CNR2: variants seen among roughly 807,000 people sequenced by gnomAD.
The protein encoded by CNR2 is cannabinoid receptor 2 (macrophage).
For missense variants in CNR2, 379 were observed against 439.9 expected (o/e 0.86, Z 1.24); for synonymous variants, 172 against 182.2 (o/e 0.94, Z 0.45).
rs531338707 is a variant in CNR2, at chr1:23,894,980, G to C, written c.-46+18266C>G. Among the ~76,000 whole-genome samples, 9 of 152,118 alleles carry C rather than the reference G, an allele frequency of 5.9e-5. No individual in the cohort carries two copies. The South Asian group carries it at 1.9e-3, about 32-fold the overall frequency. On this transcript the variant is annotated intron_variant, in intron 1 of 1. Transcript: ENST00000374472. ...CACACCTCTAATCCTAGCACTTTGGGAGGCTGAGGTGGGCGGATCACCTGA... is the reference window on the plus strand; with the variant it reads ...CACACCTCTAATCCTAGCACTTTGGCAGGCTGAGGTGGGCGGATCACCTGA...
intron 1 of CNR2, among the ~76,000 whole-genome samples, chr1:23,894,385 C>A (rs1640240107): frequency 6.6e-6 from 1 of 151,490 alleles, no homozygotes; most frequent in Non-Finnish European, 1.5e-5. Context: ...CATGCCATTG[C>A]ACTGCAGCCT....
intron 1 of CNR2, among the ~76,000 whole-genome samples, chr1:23,908,449 TC>T (rs1281201936): frequency 6.6e-6 from 1 of 152,158 alleles, no homozygotes; most frequent in Non-Finnish European, 1.5e-5. Context: ...CCTAGGAAGA[TC>T]TCACATTGAG....
chr1:23,881,590 A>C (rs904670726), intron 1 of CNR2, among the ~76,000 whole-genome samples: 27 of 148,164 alleles, frequency 1.8e-4, no homozygotes, highest in African/African-American at 6.4e-4. Context: ...TCTCAAAAAA[A>C]GAAAAAAAAA....
At chr1:23,898,373 G>T (rs1282840488) in intron 1 of CNR2, among the ~76,000 whole-genome samples, 4 of 86,852 alleles carry the variant, frequency 4.6e-5, no homozygotes, top group East Asian at 3.9e-4. Flanking sequence ...ATGGAGTCTT[G>T]TTCTGTTGCC....
intron 1 of CNR2, chr1:23,902,327 C>T: frequency 2.6e-6 from 4 of 1,557,784 alleles, no homozygotes; most frequent in Non-Finnish European, 3.5e-6. Flanking sequence ...AGCGCTGGGT[C>T]AGGTCGGGCT....
chr1:23,895,516 C>G (rs1280947194), intron 1 of CNR2, among the ~76,000 whole-genome samples: 1 of 152,096 alleles, frequency 6.6e-6, no homozygotes. Context: ...TTTTTTCTCT[C>G]TCTTTTTTTG....
intron 1 of CNR2, among the ~76,000 whole-genome samples, chr1:23,886,339 C>T (rs6424123): frequency 0.72 from 108,842 of 152,040 alleles, 39,675 homozygotes; most frequent in Middle Eastern, 0.79. Flanking sequence ...CAGGTAGATA[C>T]GGCCCTGTCT....
chr1:23,909,719 G>A (rs901973092), intron 1 of CNR2, among the ~76,000 whole-genome samples: 2 of 152,058 alleles, frequency 1.3e-5, no homozygotes, highest in South Asian at 2.1e-4. Flanking sequence ...CCTCCCCAGC[G>A]CAGGTTCTCG....
intron 1 of CNR2, among the ~76,000 whole-genome samples, chr1:23,894,773 A>AAGAAAG (rs1553141673): frequency 6.7e-6 from 1 of 148,740 alleles, no homozygotes; most frequent in African/African-American, 2.5e-5. Flanking sequence ...CTCAAAAAAA[A>AAGAAAG]AAAGAAAGAA....
At chr1:23,891,347 G>A (rs1159624783) in intron 1 of CNR2, among the ~76,000 whole-genome samples, 1 of 151,262 alleles carries the variant, frequency 6.6e-6, no homozygotes, top group East Asian at 2.0e-4. Context: ...GGCCAGGCAC[G>A]GTGGCTCACA....
rs982677789 is a variant in CNR2 at position 23,872,747 on chromosome 1, G to A, written c.*1788C>T. 2 of 152,322 alleles carry A rather than the reference G, an allele frequency of 1.3e-5. No homozygotes were observed. The highest frequency in any genetic ancestry group is 1.9e-4 in the East Asian group (1 of 5,190). The allele number at this position is 152,322 out of a possible 1,614,324, so 9.4% of individuals were successfully genotyped here. On this transcript the variant is annotated 3_prime_UTR_variant, in exon 2 of 2. Transcript: ENST00000374472. ...GGCATTTAAAAACACTTAGCCCCCT[G>A]CCTGGCACATAGTAAAGGCTCAATA...
chr1:23,876,423 G>A (rs1362120861), intron 1 of CNR2, among the ~76,000 whole-genome samples: 5 of 151,510 alleles, frequency 3.3e-5, no homozygotes, highest in East Asian at 1.9e-4. Flanking sequence ...AGCTGGTCTC[G>A]AACTCCTGAT....
At chr1:23,901,810 T>G in intron 1 of CNR2, 1 of 1,592,814 alleles carries the variant, frequency 6.3e-7, no homozygotes, top group Non-Finnish European at 8.6e-7. Flanking sequence ...CACACAGGCC[T>G]AGCCCCGCAA....
intron 1 of CNR2, among the ~76,000 whole-genome samples, chr1:23,895,005 A>C (rs1052169851): frequency 6.6e-6 from 1 of 152,078 alleles, no homozygotes; most frequent in Non-Finnish European, 1.5e-5. Context: ...GGATCACCTG[A>C]GGTCAGGAGT....
At chr1:23,881,056 A>G (rs71514241) in intron 1 of CNR2, among the ~76,000 whole-genome samples, 111,046 of 150,988 alleles carry the variant, frequency 0.74, 41,632 homozygotes, top group Middle Eastern at 0.82. Flanking sequence ...CGGGCAGATC[A>G]CCTGAGGTCA....
intron 1 of CNR2, chr1:23,901,837 C>T: frequency 1.2e-6 from 2 of 1,608,508 alleles, no homozygotes; most frequent in African/African-American, 2.7e-5. Flanking sequence ...CCCTTCTGTC[C>T]ACTGCAAACT....
chr1:23,902,552 G>A (rs1640417774), intron 1 of CNR2: 3 of 1,608,500 alleles, frequency 1.9e-6, no homozygotes, highest in Admixed American at 3.3e-5. Flanking sequence ...CGTCTGGAAT[G>A]TGAATTTCAG....
chr1:23,892,885 G>A (rs1199386683), intron 1 of CNR2, among the ~76,000 whole-genome samples: 1 of 151,968 alleles, frequency 6.6e-6, no homozygotes, highest in Admixed American at 6.6e-5. Context: ...GAGTAGTGGT[G>A]GGTGCCTGTA....
At chr1:23,883,216 T>A (rs1385166660) in intron 1 of CNR2, among the ~76,000 whole-genome samples, 2 of 152,192 alleles carry the variant, frequency 1.3e-5, no homozygotes, top group Non-Finnish European at 2.9e-5. Flanking sequence ...CAATACTGAG[T>A]GCTGGAGAAG....
Sources: gnomAD v4.1 joint callset for allele counts (sites outside exome capture counted in the v4.1 genomes callset) on GRCh38, gnomAD v4.1.1 for gene constraint, MANE v1.5 for transcripts, NCBI Gene and HGNC (gene_info 2026-07-23, HGNC 2026-07-21) for gene names.